Variants in LIPI observed in about 807,000 individuals in gnomAD.
LIPI encodes lipase I, also known as lipase member I.
In LIPI, 59 loss-of-function variants were observed where a neutral mutation model predicts 50.6. The observed-to-expected ratio is 1.16, with a 90% CI of 0.94 to 1.45. The LOEUF is 1.45. Among genes scored for constraint, LIPI ranks in the 40% most tolerant of loss-of-function variants. The pLI is 0.00. For missense variants in LIPI, 586 were observed against 536.3 expected, an observed-to-expected ratio of 1.09 and a Z score of -0.92; for synonymous variants, 203 against 178.2, an observed-to-expected ratio of 1.14 and a Z score of -1.11.
chr21:14,153,237 C>A (rs2018160185), intron 7 of LIPI, among the ~76,000 whole-genome samples: 1 of 151,910 alleles, frequency 6.6e-6, no homozygotes, highest in South Asian at 2.1e-4. Flanking sequence ...GCTGAACTCA[C>A]TTCTATATAT....
intron 8 of LIPI, among the ~76,000 whole-genome samples, chr21:14,149,025 C>CTG (rs1461633970): frequency 6.6e-6 from 1 of 152,152 alleles, no homozygotes; most frequent in East Asian, 1.9e-4. Context: ...TGTTCTAGGC[C>CTG]TGTGTTCATG....
intron 7 of LIPI, among the ~76,000 whole-genome samples, chr21:14,158,089 A>G (rs2018334317): frequency 6.6e-6 from 1 of 151,814 alleles, no homozygotes; most frequent in East Asian, 1.9e-4. Context: ...TTGATGCTGT[A>G]ATGACTTGAT....
intron 9 of LIPI, among the ~76,000 whole-genome samples, chr21:14,119,574 G>T (rs2016786073): frequency 6.6e-6 from 1 of 152,266 alleles, no homozygotes; most frequent in Non-Finnish European, 1.5e-5. Context: ...CTTTATATGA[G>T]GCGATGAAAG....
chr21:14,206,967 T>C (rs1041143782), intron 1 of LIPI: 33 of 1,290,970 alleles, frequency 2.6e-5, no homozygotes, highest in Non-Finnish European at 3.3e-5. Flanking sequence ...TGTTTATTCA[T>C]GTATAATAAG....
chr21:14,203,723 T>C (rs1222952528), intron 1 of LIPI, among the ~76,000 whole-genome samples: 2 of 151,948 alleles, frequency 1.3e-5, no homozygotes, highest in African/African-American at 4.8e-5. Flanking sequence ...TTAGGAGATA[T>C]ACCTAATGTT....
chr21:14,155,473 G>A (rs889059321), intron 7 of LIPI, among the ~76,000 whole-genome samples: 7 of 151,936 alleles, frequency 4.6e-5, no homozygotes, highest in South Asian at 4.1e-4. Flanking sequence ...AAAAAGCTAA[G>A]TGAACCTGAA....
At chr21:14,165,689 G>A (rs753202668) in intron 5 of LIPI, among the ~76,000 whole-genome samples, 1 of 152,174 alleles carries the variant, frequency 6.6e-6, no homozygotes, top group African/African-American at 2.4e-5. Flanking sequence ...AATAACTAGT[G>A]TACACATCTT....
intron 1 of LIPI, among the ~76,000 whole-genome samples, chr21:14,196,792 C>T (rs1309183067): frequency 1.3e-5 from 2 of 152,088 alleles, no homozygotes; most frequent in Non-Finnish European, 2.9e-5. Flanking sequence ...CACCACTGCA[C>T]TCCAGCCTGG....
intron 9 of LIPI, among the ~76,000 whole-genome samples, chr21:14,109,796 T>G (rs1452162648): frequency 6.6e-6 from 1 of 151,944 alleles, no homozygotes; most frequent in Non-Finnish European, 1.5e-5. Flanking sequence ...AGGTTCACAA[T>G]GCCTATCAAT....
At chr21:14,203,601 G>A (rs945544591) in intron 1 of LIPI, among the ~76,000 whole-genome samples, 72 of 152,054 alleles carry the variant, frequency 4.7e-4, no homozygotes, top group African/African-American at 1.7e-3. Flanking sequence ...ACCAAACACC[G>A]CATGTTCTCA....
At chr21:14,206,757 T>C (rs763670145) in intron 1 of LIPI, 271 of 1,035,492 alleles carry the variant, frequency 2.6e-4, no homozygotes, top group Non-Finnish European at 3.9e-4. Flanking sequence ...TGTTGTTTTA[T>C]ATTTCCTCTT....
intron 4 of LIPI, among the ~76,000 whole-genome samples, chr21:14,168,008 G>A (rs1434421497): frequency 3.9e-5 from 6 of 152,138 alleles, no homozygotes; most frequent in Non-Finnish European, 8.8e-5. Context: ...AGCCATACAG[G>A]GAAGTGCTTA....
At position 14,195,876 on chromosome 21, in the gene LIPI, T is replaced by C. The variant is rs115510556; in HGVS notation, c.47-6457A>G. 5.8e-3 allele frequency among the ~76,000 whole-genome samples: 883 copies of C among 152,184 alleles called. 10 individuals carry two copies. The highest frequency in any genetic ancestry group is 0.02 in the African/African-American group (815 of 41,536). On this transcript the variant is annotated intron_variant, in intron 1 of 9. Transcript: ENST00000681601. Reference sequence around the variant, plus strand: ...TCGACATCACTAGTCATCAAAACAATGTGAATTAAAACCAAAATAATATAC... The same window carrying C: ...TCGACATCACTAGTCATCAAAACAACGTGAATTAAAACCAAAATAATATAC...
At chr21:14,210,097 T>C (rs978387826) in intron 1 of LIPI, among the ~76,000 whole-genome samples, 1 of 152,056 alleles carries the variant, frequency 6.6e-6, no homozygotes, top group Non-Finnish European at 1.5e-5. Context: ...AAGGAAATAA[T>C]CTGCTCTCAT....
intron 1 of LIPI, among the ~76,000 whole-genome samples, chr21:14,196,942 T>TC (rs757874336): frequency 2.0e-5 from 3 of 152,158 alleles, no homozygotes; most frequent in East Asian, 3.9e-4. Flanking sequence ...CAATACTTTT[T>TC]AAATAATAGA....
chr21:14,174,440 T>C (rs1226150665), intron 4 of LIPI, among the ~76,000 whole-genome samples: 1 of 152,112 alleles, frequency 6.6e-6, no homozygotes, highest in East Asian at 1.9e-4. Context: ...TGTAAAGAAA[T>C]AGCACCTGGG....
At chr21:14,180,737 A>AT (rs745381589) in intron 4 of LIPI, among the ~76,000 whole-genome samples, 3 of 152,314 alleles carry the variant, frequency 2.0e-5, no homozygotes, top group East Asian at 3.9e-4. Flanking sequence ...TAGATTCCAA[A>AT]AAGGAGCAGA....
intron 1 of LIPI, among the ~76,000 whole-genome samples, chr21:14,200,520 T>TA (rs2020016349): frequency 6.6e-6 from 1 of 151,898 alleles, no homozygotes; most frequent in Admixed American, 6.6e-5. Flanking sequence ...ACAAAAAGAA[T>TA]AAAATACCTA....
intron 9 of LIPI, among the ~76,000 whole-genome samples, chr21:14,124,536 G>A (rs1326873123): frequency 6.6e-6 from 1 of 152,076 alleles, no homozygotes; most frequent in Non-Finnish European, 1.5e-5. Context: ...CCTCTCTAGG[G>A]CAGCTGCAAA....
Sources: allele counts gnomAD v4.1 joint callset (sites outside exome capture counted in the v4.1 genomes callset), GRCh38; gene constraint gnomAD v4.1.1; transcripts MANE v1.5; gene names NCBI Gene and HGNC (gene_info 2026-07-23, HGNC 2026-07-21).